BLVRA: variants seen among roughly 807,000 people sequenced by gnomAD.
The protein encoded by BLVRA is biliverdin reductase A.
BLVRA carries 22 observed loss-of-function variants against 32.8 expected under a neutral mutation model. The ratio of observed to expected loss-of-function variants is 0.67; its 90% CI spans 0.48 to 0.96. The LOEUF is 0.96. Among genes scored for constraint, BLVRA ranks in the 40% least tolerant of loss-of-function variants. The pLI, the probability that BLVRA is intolerant of heterozygous loss-of-function variation, is 0.00. For missense variants in BLVRA, 323 were observed against 358.1 expected (o/e 0.90, Z 0.79); for synonymous variants, 119 against 141.3 (o/e 0.84, Z 1.12).
chr7:43,760,887 G>T (rs2095741530), intron 1 of BLVRA, among the ~76,000 whole-genome samples: 1 of 151,650 alleles, frequency 6.6e-6, no homozygotes, highest in South Asian at 2.1e-4. Flanking sequence ...TCATTCCTCA[G>T]CTTCCTAAGT....
intron 7 of BLVRA, among the ~76,000 whole-genome samples, chr7:43,804,813 G>T (rs1009662755): frequency 6.6e-6 from 1 of 152,184 alleles, no homozygotes; most frequent in African/African-American, 2.4e-5. Flanking sequence ...GTTTTAGAGT[G>T]TTTCTGGATG....
Position 43,807,152 on chromosome 7 carries a change from G to A in BLVRA, c.808G>A (p.Glu270Lys). The change falls in exon 8 of 8, where the codon GAA becomes AAA. Residue 270 changes from glutamate to lysine, a missense_variant. Coordinates refer to ENST00000265523, the MANE Select transcript of BLVRA (RefSeq NM_000712.4). ...ACTCTTGGGCCAGTTCTCTGAGAAG[G>A]AACTGGCTGCTGAAAAGAAACGCAT... ...QKLLGQFSEK[E>K]LAAEKKRILH... 1 of 1,613,910 alleles carries A rather than the reference G, an allele frequency of 6.2e-7. No homozygotes were observed. The highest frequency in any genetic ancestry group is 8.5e-7 in the Non-Finnish European group (1 of 1,180,008).
At chr7:43,776,852 A>G (rs1259997897) in intron 2 of BLVRA, among the ~76,000 whole-genome samples, 7 of 152,064 alleles carry the variant, frequency 4.6e-5, no homozygotes, top group Admixed American at 4.6e-4. Context: ...TATATTTAGG[A>G]TAGTTAGCTC....
intron 1 of BLVRA, chr7:43,767,429 T>C: frequency 6.3e-7 from 1 of 1,576,110 alleles, no homozygotes; most frequent in Non-Finnish European, 8.7e-7. Context: ...TTATTTATAT[T>C]TCACAACTAA....
chr7:43,773,783 C>A (rs1000694390), intron 2 of BLVRA, among the ~76,000 whole-genome samples: 11 of 152,338 alleles, frequency 7.2e-5, no homozygotes, highest in Middle Eastern at 3.4e-3. Flanking sequence ...TGTTTCTCCA[C>A]ATCCTCTCCA....
At chr7:43,790,565 A>G (rs2095784599) in intron 3 of BLVRA, among the ~76,000 whole-genome samples, 1 of 152,150 alleles carries the variant, frequency 6.6e-6, no homozygotes. Flanking sequence ...GTGTTAACGT[A>G]TTGGATTTGG....
chr7:43,764,024 T>G (rs2095745169), intron 1 of BLVRA, among the ~76,000 whole-genome samples: 1 of 152,246 alleles, frequency 6.6e-6, no homozygotes, highest in Non-Finnish European at 1.5e-5. Context: ...AAATCTTGCT[T>G]GTAAAAAATC....
At chr7:43,795,285 G>A (rs900572472) in intron 5 of BLVRA, among the ~76,000 whole-genome samples, 3 of 152,128 alleles carry the variant, frequency 2.0e-5, no homozygotes, top group Non-Finnish European at 4.4e-5. Flanking sequence ...GGAGGCTGAG[G>A]CGGGCGAATC....
intron 2 of BLVRA, among the ~76,000 whole-genome samples, chr7:43,778,816 G>T (rs1340415890): frequency 1.3e-5 from 2 of 152,268 alleles, no homozygotes; most frequent in African/African-American, 2.4e-5. Context: ...CCCAGTTCGA[G>T]CTTCCCGGCT....
intron 2 of BLVRA, among the ~76,000 whole-genome samples, chr7:43,771,857 G>A (rs998514537): frequency 2.0e-5 from 3 of 152,196 alleles, no homozygotes; most frequent in Non-Finnish European, 4.4e-5. Flanking sequence ...CTCCTTGCCA[G>A]TGCCCTGAAC....
intron 2 of BLVRA, among the ~76,000 whole-genome samples, chr7:43,782,704 A>T (rs2095771417): frequency 6.6e-6 from 1 of 152,200 alleles, no homozygotes; most frequent in African/African-American, 2.4e-5. Flanking sequence ...GCTTTGGGAA[A>T]TATGCACATC....
rs569386248 is a variant in BLVRA at position 43,765,814 on chromosome 7, G to T, written c.-21-5324G>T. Among the ~76,000 whole-genome samples, 95 of 152,020 alleles carry T rather than the reference G, an allele frequency of 6.2e-4. No homozygotes were observed. The Middle Eastern group carries it at 0.014, about 22-fold the overall frequency. On this transcript the variant is annotated intron_variant, in intron 1 of 7. Coordinates refer to ENST00000265523, the MANE Select transcript of BLVRA (RefSeq NM_000712.4). The stretch of plus-strand genomic sequence containing the variant: ...GAGGTCTGTGATACAGCAGAAAAAA[G>T]TGAAAAAAAGAATAACTGTATTCAT...
At chr7:43,791,443 C>T (rs2095786040) in intron 4 of BLVRA, 75 bp downstream of exon 4, 7 of 1,558,774 alleles carry the variant, frequency 4.5e-6, no homozygotes, top group South Asian at 4.5e-5. Context: ...CAAGCTAAAA[C>T]ACCCTGCAAA....
Position 43,787,830 on chromosome 7 carries a change from G to A in BLVRA, c.13-74G>A. On this transcript the variant is annotated intron_variant, in intron 2 of 7. Coordinates refer to ENST00000265523, the MANE Select transcript of BLVRA (RefSeq NM_000712.4). The surrounding 1 kb of genome is among the most constrained non-coding windows in gnomAD (Gnocchi z 4.5). ...CATCTTGCTCGTCGGGACCCTGCCA[G>A]CTCCTTTGTTTTGTAGTTTTCTGCT... is the stretch of plus-strand genomic sequence containing the variant. 1 of 1,612,226 alleles carries A rather than the reference G, an allele frequency of 6.2e-7. No individual in the cohort carries two copies. The highest frequency in any genetic ancestry group is 8.5e-7 in the Non-Finnish European group (1 of 1,178,406).
intron 2 of BLVRA, among the ~76,000 whole-genome samples, chr7:43,778,328 A>G (rs1272704844): frequency 6.6e-6 from 1 of 152,114 alleles, no homozygotes; most frequent in Non-Finnish European, 1.5e-5. Context: ...TTTGGTGTGG[A>G]TGTCCTTTCT....
intron 7 of BLVRA, among the ~76,000 whole-genome samples, chr7:43,805,653 T>G (rs545487064): frequency 3.3e-5 from 5 of 152,294 alleles, no homozygotes; most frequent in South Asian, 4.1e-4. Flanking sequence ...GTTAATATAA[T>G]ATAATAGTAA....
chr7:43,777,960 C>G (rs913325645), intron 2 of BLVRA, among the ~76,000 whole-genome samples: 4 of 152,240 alleles, frequency 2.6e-5, no homozygotes, highest in African/African-American at 9.6e-5. Flanking sequence ...CTGCATTCTT[C>G]ACGTAGTTCT....
chr7:43,770,628 A>C (rs2095753603), intron 1 of BLVRA, among the ~76,000 whole-genome samples: 1 of 151,608 alleles, frequency 6.6e-6, no homozygotes, highest in African/African-American at 2.4e-5. Flanking sequence ...ACCCCTGCTC[A>C]CCTGTTTGCC....
Position 43,791,347 on chromosome 7 carries a change from C to T in BLVRA, c.233C>T (p.Ser78Phe), listed in dbSNP as rs1319287372. The T allele has an allele frequency of 7.4e-6, 12 of 1,614,040 alleles. No individual in the cohort carries two copies. The highest frequency in any genetic ancestry group is 1.3e-5 in the African/African-American group (1 of 74,928). The change falls in exon 4 of 8, where the codon TCC becomes TTC. Residue 78 changes from serine (S) to phenylalanine (F), a missense_variant. Ser to Phe is a radical substitution (Grantham distance 155). Transcript: ENST00000265523. ...GTCGCCTATATCTGCAGTGAGAGCT[C>T]CAGCCATGAGGACTACATCAGGTGG... ...VEVAYICSES[S>F]SHEDYIRQFL...
Sources: allele counts gnomAD v4.1 joint callset (sites outside exome capture counted in the v4.1 genomes callset), GRCh38; gene constraint gnomAD v4.1.1; non-coding constraint Gnocchi (gnomAD v3.1); transcripts MANE v1.5; gene names NCBI Gene and HGNC (gene_info 2026-07-23, HGNC 2026-07-21).